Variants in MICAL2 observed in about 807,000 individuals in gnomAD.
MICAL2 encodes microtubule associated monooxygenase, calponin and LIM domain containing 2, also known as [F-actin]-monooxygenase MICAL2.
Under a neutral mutation model 127.3 loss-of-function variants are expected in MICAL2, and 77 were observed. The observed-to-expected ratio is 0.60, with a 90% CI of 0.50 to 0.73. The LOEUF (loss-of-function observed/expected upper bound fraction) is 0.73. Among genes scored for constraint, MICAL2 ranks in the 30% least tolerant of loss-of-function variants. MICAL2 has a pLI of 0.00. For synonymous variants in MICAL2, 570 were observed against 551.1 expected (o/e 1.03, Z -0.48); for missense variants, 1,351 against 1,434.4 (o/e 0.94, Z 0.94).
At chr11:12,246,228 A>C (rs1193446368) in intron 21 of MICAL2, among the ~76,000 whole-genome samples, 1 of 152,256 alleles carries the variant, frequency 6.6e-6, no homozygotes, top group East Asian at 1.9e-4. Flanking sequence ...GCTGTCAGCC[A>C]CTAAGCGTGT....
intron 33 of MICAL2, among the ~76,000 whole-genome samples, chr11:12,350,265 G>T (rs1300614318): frequency 6.6e-6 from 1 of 152,172 alleles, no homozygotes; most frequent in East Asian, 1.9e-4. Flanking sequence ...ACCTGCAATG[G>T]GAAGGCTGTG....
chr11:12,351,185 C>T (rs754668677), intron 33 of MICAL2, among the ~76,000 whole-genome samples: 24 of 152,178 alleles, frequency 1.6e-4, no homozygotes, highest in Non-Finnish European at 2.8e-4. Context: ...AGGACGTGGA[C>T]ATATCTTTTA....
intron 29 of MICAL2, among the ~76,000 whole-genome samples, chr11:12,299,481 A>G (rs1864021709): frequency 6.6e-6 from 1 of 152,234 alleles, no homozygotes; most frequent in African/African-American, 2.4e-5. Context: ...TTATTTTTAT[A>G]AGACAACTTT....
intron 2 of MICAL2, among the ~76,000 whole-genome samples, chr11:12,159,006 G>T (rs1298421037): frequency 3.3e-5 from 5 of 152,176 alleles, no homozygotes; most frequent in African/African-American, 1.2e-4. Context: ...GGGTGTTTAG[G>T]TCCAGGGTGG....
intron 26 of MICAL2, chr11:12,261,126 C>T (rs1863057955): frequency 1.0e-6 from 1 of 985,396 alleles, no homozygotes; most frequent in African/African-American, 1.7e-5. Context: ...TATGTGGTGT[C>T]CTTTGGGACT....
chr11:12,304,150 T>C (rs1286231959), intron 29 of MICAL2, among the ~76,000 whole-genome samples: 1 of 152,242 alleles, frequency 6.6e-6, no homozygotes, highest in Non-Finnish European at 1.5e-5. Flanking sequence ...TAGAAAATTT[T>C]TAATTACATG....
intron 31 of MICAL2, among the ~76,000 whole-genome samples, chr11:12,326,838 G>A (rs536983068): frequency 3.9e-5 from 6 of 152,270 alleles, no homozygotes; most frequent in South Asian, 4.1e-4. Flanking sequence ...ATTATGCCAC[G>A]GCCATAGTTA....
At chr11:12,227,285 G>A in intron 15 of MICAL2, 154 bp downstream of exon 15, 2 of 604,202 alleles carry the variant, frequency 3.3e-6, no homozygotes, top group Non-Finnish European at 5.8e-6. Flanking sequence ...TAGTGACTGA[G>A]TGTTTTTGGA....
chr11:12,356,681 G>T (rs1335631273), intron 34 of MICAL2, among the ~76,000 whole-genome samples: 2 of 152,168 alleles, frequency 1.3e-5, no homozygotes, highest in African/African-American at 4.8e-5. Flanking sequence ...ATTCAGCATG[G>T]CTAGACAGTC....
chr11:12,123,277 C>T (rs984174916), intron 1 of MICAL2, among the ~76,000 whole-genome samples: 7 of 152,154 alleles, frequency 4.6e-5, no homozygotes, highest in African/African-American at 7.2e-5. Flanking sequence ...TCTAAAACTT[C>T]GCTTTCAGAA....
intron 1 of MICAL2, among the ~76,000 whole-genome samples, chr11:12,132,688 C>T (rs1217914014): frequency 6.6e-6 from 1 of 152,338 alleles, no homozygotes; most frequent in East Asian, 1.9e-4. Flanking sequence ...GCTTCTTGAT[C>T]TTCCCTATTC....
chr11:12,358,527 G>T (rs779886947), downstream of MICAL2: 2 of 1,577,584 alleles, frequency 1.3e-6, no homozygotes, highest in Admixed American at 3.4e-5. Flanking sequence ...ACCGGATCAG[G>T]CCAAGTGCAC....
chr11:12,246,451 G>C (rs1383137616), intron 21 of MICAL2, among the ~76,000 whole-genome samples: 1 of 152,224 alleles, frequency 6.6e-6, no homozygotes, highest in Non-Finnish European at 1.5e-5. Context: ...CACAGCCTTT[G>C]CACAGCTGGG....
Position 12,262,688 on chromosome 11 carries a change from C to G in MICAL2, c.*17+151C>G, listed in dbSNP as rs181637524. The stretch of plus-strand genomic sequence containing the variant: ...ATTTGGTGGCATGGTTGGCTAACAG[C>G]ATGGCGGGGGGTGTTCAGCTTGAGA... On this transcript the variant is annotated intron_variant, in intron 27 of 27. Coordinates refer to ENST00000683283, the MANE Select transcript of MICAL2 (RefSeq NM_001282663.2). 450 of 697,632 alleles carry G rather than the reference C, an allele frequency of 6.5e-4. 1 individual carries two copies. The African/African-American group carries it at 6.9e-3, about 11-fold the overall frequency. 43.2% of individuals were successfully genotyped at this position (697,632 alleles called of 1,614,324 possible). A position where few individuals can be genotyped will look rare whatever the true frequency, so the allele number is the denominator to read the frequency against.
chr11:12,139,521 G>T (rs1852144065), intron 2 of MICAL2, among the ~76,000 whole-genome samples: 1 of 152,206 alleles, frequency 6.6e-6, no homozygotes, highest in South Asian at 2.1e-4. Context: ...CGGCGTGCAT[G>T]TCAGGGCATT....
chr11:12,197,861 G>A (rs1443079285), intron 3 of MICAL2: 2 of 152,206 alleles, frequency 1.3e-5, no homozygotes, highest in Non-Finnish European at 2.9e-5. Context: ...AGAGAGAAAC[G>A]GAATGTTTCT....
At chr11:12,353,801 C>T (rs1477011387) in intron 33 of MICAL2, among the ~76,000 whole-genome samples, 2 of 152,226 alleles carry the variant, frequency 1.3e-5, no homozygotes, top group Non-Finnish European at 2.9e-5. Flanking sequence ...TCTCCTACAG[C>T]CAGCTGGAGA....
downstream of MICAL2, chr11:12,294,418 G>A (rs1437600526): frequency 6.2e-7 from 1 of 1,614,192 alleles, no homozygotes. Flanking sequence ...ATTCCCCTGG[G>A]AGAAACCAGT....
rs139998968 is a variant in MICAL2 at position 12,341,365 on chromosome 11, A to G, written c.5516-8473A>G. ...CATCAAAAGAGATAGATAGTTATGA[A>G]CCACGCAGCAAAACAAGACCCAACT... On this transcript the variant is annotated intron_variant, in intron 32 of 34. Coordinates refer to the MICAL2 transcript ENST00000646065. 5.7e-4 allele frequency among the ~76,000 whole-genome samples: 87 copies of G among 152,278 alleles called. No homozygotes were observed. In the East Asian group the frequency reaches 0.011, roughly 20 times the overall value.
Sources: allele counts gnomAD v4.1 joint callset (sites outside exome capture counted in the v4.1 genomes callset), GRCh38; gene constraint gnomAD v4.1.1; transcripts MANE v1.5; gene names NCBI Gene and HGNC (gene_info 2026-07-23, HGNC 2026-07-21).